CYP4Z1: variants seen among roughly 807,000 people sequenced by gnomAD.
The protein encoded by CYP4Z1 is cytochrome P450 family 4 subfamily Z member 1, also known as cytochrome P450 4Z1.
CYP4Z1 carries 41 observed loss-of-function variants against 54.2 expected under a neutral mutation model. That is an observed-to-expected ratio of 0.76 (90% CI 0.59 to 0.98). The LOEUF (loss-of-function observed/expected upper bound fraction) is 0.98, where lower values mean the gene tolerates loss of function less well. CYP4Z1 is among the 50% of genes least tolerant of loss of function. The pLI, the probability that CYP4Z1 is intolerant of heterozygous loss-of-function variation, is 0.00. For missense variants in CYP4Z1, 513 were observed against 599.0 expected (o/e 0.86, Z 1.50); for synonymous variants, 163 against 206.2 (o/e 0.79, Z 1.79).
At chr1:47,073,200 C>A (rs1644494740) in intron 2 of CYP4Z1, among the ~76,000 whole-genome samples, 1 of 124,430 alleles carries the variant, frequency 8.0e-6, no homozygotes, top group Non-Finnish European at 1.7e-5. Flanking sequence ...CAATATGTGA[C>A]CCTTTGCATT....
At chr1:47,065,701 T>C (rs2148523101), upstream of CYP4Z1, among the ~76,000 whole-genome samples, 1 of 151,398 alleles carries the variant, frequency 6.6e-6, no homozygotes, top group African/African-American at 2.4e-5. Context: ...TAAATGAAAT[T>C]GAAACAAAAA....
At chr1:47,082,597 A>T (rs950786388) in intron 4 of CYP4Z1, 136 bp downstream of exon 4, 40 of 1,281,624 alleles carry the variant, frequency 3.1e-5, no homozygotes, top group Non-Finnish European at 4.0e-5. Flanking sequence ...TTAGACCATG[A>T]CCATCATCAT....
intron 11 of CYP4Z1, 136 bp from the exon 12 acceptor site, chr1:47,117,630 G>A (rs1230294693): frequency 2.1e-6 from 2 of 938,244 alleles, no homozygotes; most frequent in Admixed American, 6.0e-5. Flanking sequence ...GTGAGCACCT[G>A]TAATCCAGCA....
At chr1:47,061,273 A>G in the CYP4Z1 span, among the ~76,000 whole-genome samples, 2 of 152,168 alleles carry the variant, frequency 1.3e-5, no homozygotes, top group Admixed American at 1.3e-4. Context: ...AATAAGATAT[A>G]TAGGGCATTA....
the CYP4Z1 span, among the ~76,000 whole-genome samples, chr1:47,061,523 A>C: frequency 2.0e-5 from 3 of 152,316 alleles, no homozygotes; most frequent in East Asian, 3.9e-4. Context: ...TGAGCTTCAA[A>C]ATTGAATGAG....
upstream of CYP4Z1, among the ~76,000 whole-genome samples, chr1:47,062,360 G>A (rs9730453): frequency 6.6e-6 from 1 of 152,176 alleles, no homozygotes; most frequent in Non-Finnish European, 1.5e-5. Context: ...GAAGTAACTG[G>A]ATTACTGCTG....
At chr1:47,084,107 C>G (rs1644574796) in intron 4 of CYP4Z1, among the ~76,000 whole-genome samples, 1 of 152,040 alleles carries the variant, frequency 6.6e-6, no homozygotes, top group East Asian at 1.9e-4. Context: ...CATCTGAATT[C>G]TAATATATAG....
chr1:47,056,890 C>G, the CYP4Z1 span, among the ~76,000 whole-genome samples: 1 of 152,066 alleles, frequency 6.6e-6, no homozygotes, highest in African/African-American at 2.4e-5. Flanking sequence ...CAGTCTGTGT[C>G]TTTTAATTGG....
chr1:47,117,044 A>G (rs1644835252), intron 11 of CYP4Z1, among the ~76,000 whole-genome samples: 1 of 152,206 alleles, frequency 6.6e-6, no homozygotes, highest in African/African-American at 2.4e-5. Flanking sequence ...ATCTTGTTAT[A>G]GGAACAAGGC....
Position 47,106,277 on chromosome 1 carries a change from T to C in CYP4Z1, c.1201+16T>C, listed in dbSNP as rs1196624855. 7 of 1,590,528 alleles carry C rather than the reference T, an allele frequency of 4.4e-6. No individual in the cohort carries two copies. Among genetic ancestry groups the C allele is most frequent in the Middle Eastern group, 3.4e-4 (2 of 5,918 alleles). On this transcript the variant is annotated intron_variant, in intron 9 of 11. Transcript: ENST00000334194. ...TTACCTGCAGGTCTTAAAACTTTTTTTTTTTTTTTTAACAATGCAGCTGTG... is the reference window on the plus strand; with the variant it reads ...TTACCTGCAGGTCTTAAAACTTTTTCTTTTTTTTTTAACAATGCAGCTGTG...
At chr1:47,077,408 C>T (rs1363674152) in intron 2 of CYP4Z1, among the ~76,000 whole-genome samples, 4 of 152,066 alleles carry the variant, frequency 2.6e-5, no homozygotes, top group Non-Finnish European at 5.9e-5. Flanking sequence ...TTACTGTTTG[C>T]ATAGAATACC....
At chr1:47,084,234 T>G (rs1644575739) in intron 4 of CYP4Z1, among the ~76,000 whole-genome samples, 2 of 152,120 alleles carry the variant, frequency 1.3e-5, no homozygotes, top group Admixed American at 1.3e-4. Context: ...ACTAAATATT[T>G]TTAGGGATCT....
chr1:47,082,560 A>G lies in CYP4Z1; in HGVS notation c.492+99A>G, dbSNP rs532658516. 48 of 1,511,552 alleles carry G rather than the reference A, an allele frequency of 3.2e-5. No individual in the cohort carries two copies. The Admixed American group carries it at 6.4e-4, about 20-fold the overall frequency. 93.6% of individuals were successfully genotyped at this position (1,511,552 alleles called of 1,614,324 possible). On this transcript the variant is annotated intron_variant, in intron 4 of 11. Transcript: ENST00000334194. ...TGAGTTCCCTCAGAACCATGTTCAC[A>G]GCAGTTTATATGGGGTTATTTGATG...
chr1:47,108,315 T>C (rs528139166), intron 9 of CYP4Z1, among the ~76,000 whole-genome samples: 1 of 152,328 alleles, frequency 6.6e-6, no homozygotes, highest in East Asian at 1.9e-4. Flanking sequence ...TGCCGTCAAC[T>C]TCCTTGAATA....
At chr1:47,061,363 C>A in the CYP4Z1 span, among the ~76,000 whole-genome samples, 5 of 152,038 alleles carry the variant, frequency 3.3e-5, no homozygotes, top group African/African-American at 1.2e-4. Flanking sequence ...ACCACTGACC[C>A]CACAGAAATA....
At chr1:47,114,522 G>A (rs1644815672) in intron 9 of CYP4Z1, among the ~76,000 whole-genome samples, 2 of 152,006 alleles carry the variant, frequency 1.3e-5, no homozygotes, top group Admixed American at 1.3e-4. Context: ...TACAGAATGG[G>A]AGAAAATTTT....
intron 4 of CYP4Z1, among the ~76,000 whole-genome samples, chr1:47,083,081 C>T (rs146372173): frequency 0.011 from 1,691 of 152,226 alleles, 10 homozygotes; most frequent in Non-Finnish European, 0.018. Context: ...AGGTCCGTTT[C>T]AGGGGTCCTG....
chr1:47,113,757 C>G (rs575752302), intron 9 of CYP4Z1, among the ~76,000 whole-genome samples: 1 of 152,218 alleles, frequency 6.6e-6, no homozygotes, highest in African/African-American at 2.4e-5. Flanking sequence ...AGGACCTCTT[C>G]AAGGAGAACT....
upstream of CYP4Z1, among the ~76,000 whole-genome samples, chr1:47,066,053 A>G (rs1339386292): frequency 6.6e-6 from 1 of 151,584 alleles, no homozygotes; most frequent in Non-Finnish European, 1.5e-5. Flanking sequence ...AATACCAACA[A>G]AAAAAAAGTC....
Sources: gnomAD v4.1 joint callset for allele counts (sites outside exome capture counted in the v4.1 genomes callset) on GRCh38, gnomAD v4.1.1 for gene constraint, MANE v1.5 for transcripts, NCBI Gene and HGNC (gene_info 2026-07-23, HGNC 2026-07-21) for gene names.